Variants in ANKRD11 observed in about 807,000 individuals in gnomAD.
The protein encoded by ANKRD11 is ankyrin repeat domain-containing protein 11.
Under a neutral mutation model 195.7 loss-of-function variants are expected in ANKRD11, and 17 were observed. The ratio of observed to expected loss-of-function variants is 0.09; its 90% CI spans 0.06 to 0.13. The LOEUF (loss-of-function observed/expected upper bound fraction) is 0.13. Among genes scored for constraint, ANKRD11 ranks in the 10% least tolerant of loss-of-function variants. The pLI is 1.00. For synonymous variants in ANKRD11, 1,953 were observed against 1,528.1 expected (o/e 1.28, Z -6.49); for missense variants, 3,735 against 3,566.1 (o/e 1.05, Z -1.21).
In ANKRD11 at chr16:89,281,136, T is replaced by C. The variant is rs1567563839; in HGVS notation, c.5406A>G (p.Glu1802=). The C allele has an allele frequency of 3.1e-6, 5 of 1,613,232 alleles. No homozygotes were observed. In the East Asian group the frequency reaches 6.7e-5, roughly 22 times the overall value. Reference sequence around the variant, plus strand: ...TGAAGAGCTTGTCTCCGACGCTGAATTCTTCCTCGGGGGTCCTCCTAATGT... The same window carrying C: ...TGAAGAGCTTGTCTCCGACGCTGAACTCTTCCTCGGGGGTCCTCCTAATGT... ...SVDIRRTPEE[E]FSVGDKLFRQ... Residue 1802 remains glutamate (E), a synonymous_variant, in exon 9 of 13, where the codon GAA becomes GAG. Transcript: ENST00000301030. The surrounding 1 kb of genome is among the most constrained non-coding windows in gnomAD (Gnocchi z 5.5).
At chr16:89,295,782 CG>C (rs2035380406) in intron 4 of ANKRD11, among the ~76,000 whole-genome samples, 1 of 128,656 alleles carries the variant, frequency 7.8e-6, no homozygotes, top group African/African-American at 3.0e-5. Flanking sequence ...GGGATCGGAG[CG>C]GGGGCTGTGA....
intron 9 of ANKRD11, chr16:89,278,374 G>A (rs1344636042): frequency 5.3e-6 from 2 of 378,956 alleles, no homozygotes; most frequent in Non-Finnish European, 5.3e-6. Flanking sequence ...AGGGCAGGCA[G>A]CCCTCATGGG....
At chr16:89,410,066 C>T (rs1426292038) in intron 2 of ANKRD11, among the ~76,000 whole-genome samples, 7 of 152,300 alleles carry the variant, frequency 4.6e-5, no homozygotes, top group Middle Eastern at 3.4e-3. Context: ...GTCTCGATCT[C>T]CTGACCTCGT....
intron 1 of ANKRD11, among the ~76,000 whole-genome samples, chr16:89,474,541 A>G (rs1567855758): frequency 6.6e-6 from 1 of 151,940 alleles, no homozygotes; most frequent in African/African-American, 2.4e-5. Context: ...CATCCATGCT[A>G]CTTCCTTCCA....
intron 4 of ANKRD11, chr16:89,300,928 G>A (rs1053311778): frequency 5.7e-6 from 4 of 698,820 alleles, no homozygotes; most frequent in East Asian, 2.7e-5. Flanking sequence ...GGGCTCCCTC[G>A]TGGCTGCCCC....
chr16:89,283,616 G>C lies in ANKRD11; in HGVS notation c.2926C>G (p.Leu976Val). The change falls in exon 9 of 13, where the codon CTG (leucine) becomes GTG (valine). Residue 976 changes from leucine to valine, a missense_variant. By Grantham distance (32) the Leu-to-Val change is conservative (BLOSUM62 1). Transcript: ENST00000301030. This position sits in a 1 kb window ranked among gnomAD's most constrained non-coding sequence, Gnocchi z 4.3. ...CCACTCTCGCAGCCACACTCCTTCAGCTCCTCCCGGTGCGCCTCCTCGGGC... is the reference window on the plus strand; with the variant it reads ...CCACTCTCGCAGCCACACTCCTTCACCTCCTCCCGGTGCGCCTCCTCGGGC... ...AKPEEAHREE[L>V]KECGCESGFK... is the part of the protein sequence containing the mutation. The C allele has an allele frequency of 6.2e-7, 1 of 1,610,064 alleles. No individual in the cohort carries two copies. The highest frequency in any genetic ancestry group is 8.5e-7 in the Non-Finnish European group (1 of 1,179,904).
Position 89,384,879 on chromosome 16 carries a change from C to CTTTTTTTTTTTTTTTTT in ANKRD11, c.-60+33388_-60+33404dup, listed in dbSNP as rs869271846. Reference sequence around the variant, plus strand: ...GGAGCACACAATGAGAAATAGTTTTCTTTTTTTTTTTTTTTTTTTTTTTTT... The same window carrying CTTTTTTTTTTTTTTTTT: ...GGAGCACACAATGAGAAATAGTTTTCTTTTTTTTTTTTTTTTTTTTTTTTTTTTTTTTTTTTTTTTTT... On this transcript the variant is annotated intron_variant, in intron 2 of 12. Transcript: ENST00000301030. Among the ~76,000 whole-genome samples, 174 of 49,934 alleles carry CTTTTTTTTTTTTTTTTT rather than the reference C, an allele frequency of 3.5e-3. 23 individuals are homozygous for CTTTTTTTTTTTTTTTTT. The highest frequency in any genetic ancestry group is 4.8e-3 in the South Asian group (4 of 840). The allele number at this position is 49,934 out of a possible 152,430, so 32.8% of individuals were successfully genotyped here.
chr16:89,405,713 C>G (rs1198616566), intron 2 of ANKRD11, among the ~76,000 whole-genome samples: 1 of 152,020 alleles, frequency 6.6e-6, no homozygotes, highest in Admixed American at 6.5e-5. Flanking sequence ...GGAAATGCAC[C>G]AAAGCGTCCT....
At chr16:89,290,240 T>C (rs1304612221) in intron 6 of ANKRD11, among the ~76,000 whole-genome samples, 1 of 20,532 alleles carries the variant, frequency 4.9e-5, no homozygotes, top group East Asian at 3.1e-4. Context: ...GGCTCAGGGC[T>C]CCAGCGGGGG....
At chr16:89,326,285 G>A (rs1037341977) in intron 2 of ANKRD11, among the ~76,000 whole-genome samples, 17 of 152,172 alleles carry the variant, frequency 1.1e-4, no homozygotes, top group East Asian at 1.9e-4. Flanking sequence ...AGAGAAACAC[G>A]CAGGGAAGAG....
At chr16:89,351,114 C>G (rs1375791399) in intron 2 of ANKRD11, among the ~76,000 whole-genome samples, 1 of 152,198 alleles carries the variant, frequency 6.6e-6, no homozygotes, top group Non-Finnish European at 1.5e-5. Context: ...AAGAAGCTCT[C>G]AGAGAGAATG....
intron 2 of ANKRD11, among the ~76,000 whole-genome samples, chr16:89,367,745 C>T (rs2040010452): frequency 6.6e-6 from 1 of 152,172 alleles, no homozygotes; most frequent in Non-Finnish European, 1.5e-5. Context: ...CCTGACTACC[C>T]CCAGCGGCTG....
intron 1 of ANKRD11, among the ~76,000 whole-genome samples, chr16:89,437,144 G>C (rs531886317): frequency 7.1e-4 from 108 of 152,280 alleles, no homozygotes; most frequent in African/African-American, 2.6e-3. Flanking sequence ...GGAACGAAGC[G>C]AACAGATCCA....
chr16:89,458,746 A>C (rs997237828), intron 1 of ANKRD11: 3 of 152,210 alleles, frequency 2.0e-5, no homozygotes, highest in African/African-American at 7.2e-5. Flanking sequence ...GGTAACCAAA[A>C]CTTGATTTAA....
At position 89,355,300 on chromosome 16, in the gene ANKRD11, G is replaced by A. The variant is rs200761619; in HGVS notation, c.-59-38222C>T. On this transcript the variant is annotated intron_variant, in intron 2 of 12. Transcript: ENST00000301030. ...GCTCACACCCTGAGGCTCGGAAGGC[G>A]GGCGGACGGCTCACACAGACCCACA... Among the ~76,000 whole-genome samples, 6 of 151,950 alleles carry A rather than the reference G, an allele frequency of 3.9e-5. No homozygotes were observed. In the East Asian group the frequency reaches 9.7e-4, roughly 24 times the overall value.
chr16:89,280,117 G>A lies in ANKRD11; in HGVS notation c.6425C>T (p.Pro2142Leu). The A allele has an allele frequency of 1.9e-6, 3 of 1,612,670 alleles. No homozygotes were observed. The highest frequency in any genetic ancestry group is 2.5e-6 in the Non-Finnish European group (3 of 1,179,706). ...DLGPFSLPEL[P>L]LQTKDAADGE... is the part of the protein sequence containing the mutation. ...ATCTGCGGCATCTTTAGTCTGCAGG[G>A]GAAGCTCCGGCAGGGAGAAGGGCCC... The change falls in exon 9 of 13, where the codon CCC (proline) becomes CTC (leucine). Residue 2142 changes from proline (P) to leucine (L), a missense_variant. Physicochemically the swap from Pro to Leu is moderately conservative, Grantham distance 98. Coordinates refer to ENST00000301030, the MANE Select transcript of ANKRD11 (RefSeq NM_013275.6).
rs180778680 is a variant in ANKRD11 at position 89,433,651 on chromosome 16, C to T, written c.-144-15283G>A. On this transcript the variant is annotated intron_variant, in intron 1 of 12. Transcript: ENST00000301030. The stretch of plus-strand genomic sequence containing the variant: ...GACGCAGCAGGGCTGGGCACGCCAC[C>T]TTCACGAGAGTAAGAGAGAAGGAAC... Among the ~76,000 whole-genome samples, 64 of 151,824 alleles carry T rather than the reference C, an allele frequency of 4.2e-4. No homozygotes were observed. In the East Asian group the frequency reaches 0.012, roughly 29 times the overall value.
chr16:89,370,328 G>A (rs2040139660), intron 2 of ANKRD11, among the ~76,000 whole-genome samples: 1 of 152,126 alleles, frequency 6.6e-6, no homozygotes, highest in Non-Finnish European at 1.5e-5. Context: ...AAGGAGCTGT[G>A]AGCCACAGTG....
intron 2 of ANKRD11, among the ~76,000 whole-genome samples, chr16:89,344,609 G>A (rs2038851431): frequency 6.6e-6 from 1 of 152,234 alleles, no homozygotes; most frequent in Non-Finnish European, 1.5e-5. Flanking sequence ...AAGCGTCCGG[G>A]AGGACACTCC....
Sources: gnomAD v4.1 joint callset for allele counts (sites outside exome capture counted in the v4.1 genomes callset) on GRCh38, gnomAD v4.1.1 for gene constraint, Gnocchi (gnomAD v3.1) non-coding constraint, MANE v1.5 for transcripts, NCBI Gene and HGNC (gene_info 2026-07-23, HGNC 2026-07-21) for gene names.